Variants in SCAPER observed in about 807,000 individuals in gnomAD.
The protein encoded by SCAPER is S phase cyclin A-associated protein in the endoplasmic reticulum.
A neutral mutation model predicts 182.2 loss-of-function variants in SCAPER; 98 were observed. The observed-to-expected ratio is 0.54, with a 90% CI of 0.46 to 0.64. SCAPER has a LOEUF of 0.64. Ranked by LOEUF, SCAPER falls within the 30% of genes least tolerant of loss-of-function variation. SCAPER has a pLI of 0.00. For synonymous variants in SCAPER, 605 were observed against 564.6 expected (o/e 1.07, Z -1.01); for missense variants, 1,432 against 1,690.0 (o/e 0.85, Z 2.68).
At chr15:76,761,331 A>AT (rs2151248546) in intron 14 of SCAPER, among the ~76,000 whole-genome samples, 1 of 151,718 alleles carries the variant, frequency 6.6e-6, no homozygotes, top group East Asian at 1.9e-4. Flanking sequence ...CATTTCAATT[A>AT]TTTCTGCTCT....
In SCAPER at chr15:76,358,292, C is replaced by T. The variant is rs118138017; in HGVS notation, c.3856-4152G>A. 9.0e-3 allele frequency among the ~76,000 whole-genome samples: 1,376 copies of T among 152,308 alleles called. 9 individuals carry two copies. Among genetic ancestry groups the T allele is most frequent in the Non-Finnish European group, 0.016 (1,062 of 68,034 alleles). On this transcript the variant is annotated intron_variant, in intron 29 of 31. Coordinates refer to ENST00000563290, the MANE Select transcript of SCAPER (RefSeq NM_020843.4). Reference sequence around the variant, plus strand: ...GAGACAAGACCGTAGGTGCATAGCTCCCCTTTTGGTCTTCAAAGCAGAGGC... The same window carrying T: ...GAGACAAGACCGTAGGTGCATAGCTTCCCTTTTGGTCTTCAAAGCAGAGGC...
chr15:76,574,071 C>G, intron 23 of SCAPER, 87 bp downstream of exon 23: 1 of 1,342,558 alleles, frequency 7.4e-7, no homozygotes, highest in Non-Finnish European at 9.9e-7. Context: ...AAGGTATATA[C>G]TGAGTCTGCC....
chr15:76,802,150 A>G lies in SCAPER; in HGVS notation c.495-1786T>C, dbSNP rs181201645. Among the ~76,000 whole-genome samples, 174 of 152,288 alleles carry G rather than the reference A, an allele frequency of 1.1e-3. 2 individuals are homozygous for G. The highest frequency in any genetic ancestry group is 4.0e-3 in the African/African-American group (165 of 41,562). On this transcript the variant is annotated intron_variant, in intron 6 of 31. Transcript: ENST00000563290. ...CAAACAAACTCAATCAAGTTAAATA[A>G]AAAAATGAAAAGAAAAAGAAAATAA...
intron 23 of SCAPER, among the ~76,000 whole-genome samples, chr15:76,549,314 T>G (rs71405216): frequency 0.39 from 59,028 of 151,716 alleles, 13,135 homozygotes; most frequent in Middle Eastern, 0.52. Flanking sequence ...ACACATATGT[T>G]TATTGCGGCA....
At position 76,504,887 on chromosome 15, in the gene SCAPER, C is replaced by T; in HGVS notation, c.2926G>A (p.Val976Met). Residue 976 changes from valine to methionine, a missense_variant, in exon 24 of 32, where the codon GTG becomes ATG. By Grantham distance (21) the Val-to-Met change is conservative. Transcript: ENST00000563290. ...GGAGGAATTCTTAAAACTGTGTTCA[C>T]ATTTGTGGCTGGGACTACTGCTTGA... ...ILQAVVPATN[V>M]NTVLRIPPKS... The T allele has an allele frequency of 6.2e-7, 1 of 1,611,358 alleles. No homozygotes were observed. Among genetic ancestry groups the T allele is most frequent in the Non-Finnish European group, 8.5e-7 (1 of 1,179,074 alleles).
chr15:76,719,349 A>G (rs2060068811), intron 17 of SCAPER, among the ~76,000 whole-genome samples: 2 of 152,200 alleles, frequency 1.3e-5, no homozygotes, highest in Admixed American at 6.5e-5. Context: ...TCAATTATAC[A>G]GAGATAGAAA....
At chr15:76,840,876 A>T (rs184666486) in intron 5 of SCAPER, among the ~76,000 whole-genome samples, 202 of 152,346 alleles carry the variant, frequency 1.3e-3, no homozygotes, top group Non-Finnish European at 2.3e-3. Flanking sequence ...AAGATTATTT[A>T]AAATTAGAAA....
chr15:76,488,867 C>T (rs959042329), intron 24 of SCAPER, among the ~76,000 whole-genome samples: 16 of 151,000 alleles, frequency 1.1e-4, no homozygotes, highest in South Asian at 2.1e-4. Context: ...AGACTACAAG[C>T]GCGCATGACC....
chr15:76,518,550 G>T lies in SCAPER; in HGVS notation c.2839-13576C>A, dbSNP rs140771869. Among the ~76,000 whole-genome samples the T allele has an allele frequency of 2.6e-4, 40 of 152,242 alleles. No individual in the cohort carries two copies. In the East Asian group the frequency reaches 7.1e-3, roughly 27 times the overall value. ...ACAGCTAGTGATAGGCAGGGGCAGG[G>T]TTTTCTCAGATGGATTATCTGGAGC... On this transcript the variant is annotated intron_variant, in intron 23 of 31. Transcript: ENST00000563290.
chr15:76,405,109 C>CTTTTTT (rs35039615), intron 26 of SCAPER, among the ~76,000 whole-genome samples: 1 of 112,416 alleles, frequency 8.9e-6, no homozygotes, highest in African/African-American at 3.4e-5. Context: ...ACAACTTACA[C>CTTTTTT]TTTTTTTTTT....
intron 21 of SCAPER, among the ~76,000 whole-genome samples, chr15:76,663,930 G>T (rs1191921452): frequency 6.6e-6 from 1 of 151,902 alleles, no homozygotes; most frequent in Non-Finnish European, 1.5e-5. Flanking sequence ...AATATTAGAA[G>T]ATAAAACTAT....
intron 22 of SCAPER, among the ~76,000 whole-genome samples, chr15:76,579,554 G>C (rs2048117258): frequency 6.7e-6 from 1 of 150,100 alleles, no homozygotes; most frequent in African/African-American, 2.4e-5. Context: ...AAAATAAAAA[G>C]CAAGAAATGA....
chr15:76,545,673 C>A (rs1168372342), intron 23 of SCAPER, among the ~76,000 whole-genome samples: 1 of 152,046 alleles, frequency 6.6e-6, no homozygotes, highest in Non-Finnish European at 1.5e-5. Context: ...GCTTCATAAT[C>A]ACCCTGGCTT....
At chr15:76,660,281 TG>T (rs1304657382) in intron 21 of SCAPER, among the ~76,000 whole-genome samples, 1 of 152,156 alleles carries the variant, frequency 6.6e-6, no homozygotes, top group African/African-American at 2.4e-5. Context: ...AACAACCTAT[TG>T]GTTACTATGC....
chr15:76,409,162 A>G (rs1596477653), intron 26 of SCAPER, among the ~76,000 whole-genome samples: 1 of 152,180 alleles, frequency 6.6e-6, no homozygotes, highest in East Asian at 1.9e-4. Context: ...AGGTCAGTGT[A>G]GAGAAATTCA....
chr15:76,710,062 T>C (rs1047123692), intron 17 of SCAPER, among the ~76,000 whole-genome samples: 4 of 152,242 alleles, frequency 2.6e-5, no homozygotes, highest in Non-Finnish European at 5.9e-5. Flanking sequence ...TCACACATAG[T>C]AGTGAAAGAT....
intron 23 of SCAPER, among the ~76,000 whole-genome samples, chr15:76,565,810 C>T (rs2046994670): frequency 6.6e-6 from 1 of 152,116 alleles, no homozygotes; most frequent in African/African-American, 2.4e-5. Context: ...CCAAGGGAAG[C>T]TAGCTGAAAA....
At chr15:76,629,922 C>A (rs2052944370) in intron 21 of SCAPER, among the ~76,000 whole-genome samples, 1 of 152,098 alleles carries the variant, frequency 6.6e-6, no homozygotes, top group Non-Finnish European at 1.5e-5. Context: ...CTATTTATCA[C>A]CTGCCTCAAT....
intron 23 of SCAPER, among the ~76,000 whole-genome samples, chr15:76,533,011 T>G (rs1320777359): frequency 6.6e-6 from 1 of 152,206 alleles, no homozygotes; most frequent in African/African-American, 2.4e-5. Context: ...AACTACAGTT[T>G]TGTAGGCAAA....
Sources: gnomAD v4.1 joint callset for allele counts (sites outside exome capture counted in the v4.1 genomes callset) on GRCh38, gnomAD v4.1.1 for gene constraint, MANE v1.5 for transcripts, NCBI Gene and HGNC (gene_info 2026-07-23, HGNC 2026-07-21) for gene names.